Variants in BRIP1 observed in about 807,000 individuals in gnomAD.
The protein encoded by BRIP1 is BRCA1 interacting DNA helicase 1, also known as Fanconi anemia group J protein.
Under a neutral mutation model 119.7 loss-of-function variants are expected in BRIP1, and 88 were observed. The ratio of observed to expected loss-of-function variants is 0.74; its 90% CI spans 0.62 to 0.88. The LOEUF is 0.88. BRIP1 is among the 40% of genes least tolerant of loss of function. The pLI is 0.00. For synonymous variants in BRIP1, 443 were observed against 496.5 expected, an observed-to-expected ratio of 0.89 and a Z score of 1.43; for missense variants, 1,259 against 1,455.4, an observed-to-expected ratio of 0.87 and a Z score of 2.20.
In BRIP1 at chr17:61,742,604, C is replaced by T. The variant is rs2077000686; in HGVS notation, c.2379+409G>A. ...TGTTGTGTCTCAGGGAATGGAGAGT[C>T]CCAAGGAGAGAGAAATGGGGGAAGG... On this transcript the variant is annotated intron_variant, in intron 16 of 19. Transcript: ENST00000259008. This position sits in a 1 kb window ranked among gnomAD's most constrained non-coding sequence, Gnocchi z 4.7. 6.6e-6 allele frequency among the ~76,000 whole-genome samples: 1 copy of T among 152,030 alleles called. No homozygotes were observed. The highest frequency in any genetic ancestry group is 1.5e-5 in the Non-Finnish European group (1 of 68,018).
rs1389094176 is a variant in BRIP1, at chr17:61,793,360, A to T, written c.1473+237T>A. Among the ~76,000 whole-genome samples the T allele has an allele frequency of 2.0e-5, 3 of 152,320 alleles. No individual in the cohort carries two copies. The highest frequency in any genetic ancestry group is 7.2e-5 in the African/African-American group (3 of 41,586). ...ATTGACTCCTTTTAGCTTTAAACAA[A>T]GCAATTAATCCCTTTAAAGACTAAT... On this transcript the variant is annotated intron_variant, in intron 10 of 19. Transcript: ENST00000259008. The surrounding 1 kb of genome is among the most constrained non-coding windows in gnomAD (Gnocchi z 5.2).
chr17:61,836,107 T>TC, intron 6 of BRIP1, among the ~76,000 whole-genome samples: 1 of 91,052 alleles, frequency 1.1e-5, no homozygotes, highest in African/African-American at 4.2e-5. Context: ...ATGTTATTAC[T>TC]CTTTTTTTTT....
At position 61,828,387 on chromosome 17, in the gene BRIP1, T is replaced by C. The variant is rs1266220076; in HGVS notation, c.627+18714A>G. On this transcript the variant is annotated intron_variant, in intron 6 of 19. Coordinates refer to ENST00000259008, the MANE Select transcript of BRIP1 (RefSeq NM_032043.3). The surrounding 1 kb of genome is among the most constrained non-coding windows in gnomAD (Gnocchi z 4.1). ...TAGAGACGGAAAGGAGAACGGCATT[T>C]TTCCTGGGGCTGGACAATAGGGAAA... Among the ~76,000 whole-genome samples the C allele has an allele frequency of 1.3e-5, 2 of 152,160 alleles. No homozygotes were observed. The highest frequency in any genetic ancestry group is 2.9e-5 in the Non-Finnish European group (2 of 68,042).
At position 61,846,214 on chromosome 17, in the gene BRIP1, A is replaced by G. The variant is rs1016269772; in HGVS notation, c.627+887T>C. ...AAATTAAAATAAATAAATTTAAAAA[A>G]TTATATACATATAGAGAGAGAGAGA... On this transcript the variant is annotated intron_variant, in intron 6 of 19. Transcript: ENST00000259008. This position sits in a 1 kb window ranked among gnomAD's most constrained non-coding sequence, Gnocchi z 4.3. Among the ~76,000 whole-genome samples the G allele has an allele frequency of 2.0e-5, 3 of 147,658 alleles. No individual in the cohort carries two copies. Among genetic ancestry groups the G allele is most frequent in the Non-Finnish European group, 1.5e-5 (1 of 65,366 alleles).
chr17:61,837,988 T>C (rs1484669816), intron 6 of BRIP1, among the ~76,000 whole-genome samples: 1 of 152,048 alleles, frequency 6.6e-6, no homozygotes, highest in Non-Finnish European at 1.5e-5. Context: ...ACTAAGAAAA[T>C]TTGAAGAACC....
In BRIP1 at chr17:61,828,779, A is replaced by G. The variant is rs1018702618; in HGVS notation, c.627+18322T>C. ...CTGATGATTTAAACTAAAAATAACA[A>G]AACACTGTGAGGGCTATGACAAATG... On this transcript the variant is annotated intron_variant, in intron 6 of 19. Coordinates refer to ENST00000259008, the MANE Select transcript of BRIP1 (RefSeq NM_032043.3). This position sits in a 1 kb window ranked among gnomAD's most constrained non-coding sequence, Gnocchi z 4.1. Among the ~76,000 whole-genome samples the G allele has an allele frequency of 6.6e-6, 1 of 152,198 alleles. No homozygotes were observed. The highest frequency in any genetic ancestry group is 6.5e-5 in the Admixed American group (1 of 15,284).
In BRIP1 at chr17:61,732,416, A is replaced by G. The variant is rs190906066; in HGVS notation, c.2379+10597T>C. Among the ~76,000 whole-genome samples the G allele has an allele frequency of 5.3e-5, 8 of 152,252 alleles. 1 individual carries two copies. In the East Asian group the frequency reaches 1.4e-3, roughly 26 times the overall value. On this transcript the variant is annotated intron_variant, in intron 16 of 19. Coordinates refer to ENST00000259008, the MANE Select transcript of BRIP1 (RefSeq NM_032043.3). ...CAAATCTCATCTCTCTGGCTCCTCC[A>G]TCCCTTTTAGGCAAGTTAGTCAAAG...
In BRIP1 at chr17:61,740,113, T is replaced by TA. The variant is rs1289425644; in HGVS notation, c.2379+2899dup. On this transcript the variant is annotated intron_variant, in intron 16 of 19. Coordinates refer to ENST00000259008, the MANE Select transcript of BRIP1 (RefSeq NM_032043.3). The surrounding 1 kb of genome is among the most constrained non-coding windows in gnomAD (Gnocchi z 5.4). ...ATTATCCCAGTTCTCTGCTTGGGTA[T>TA]AATTTCCTGACCACAGCACAGAGCA... Among the ~76,000 whole-genome samples the TA allele has an allele frequency of 6.6e-6, 1 of 152,070 alleles. No individual in the cohort carries two copies.
Position 61,831,864 on chromosome 17 carries a change from T to C in BRIP1, c.627+15237A>G, listed in dbSNP as rs1288064896. ...AAGAAAATTAGAATGGGCCCTCTGG[T>C]ACTGGAATGGAACTGGATGTATTGG... On this transcript the variant is annotated intron_variant, in intron 6 of 19. Coordinates refer to ENST00000259008, the MANE Select transcript of BRIP1 (RefSeq NM_032043.3). The surrounding 1 kb of genome is among the most constrained non-coding windows in gnomAD (Gnocchi z 4.1). Among the ~76,000 whole-genome samples the C allele has an allele frequency of 1.3e-5, 2 of 152,206 alleles. No homozygotes were observed. Among genetic ancestry groups the C allele is most frequent in the African/African-American group, 2.4e-5 (1 of 41,452 alleles).
chr17:61,696,838 A>G (rs1436459606), intron 17 of BRIP1, among the ~76,000 whole-genome samples: 1 of 151,348 alleles, frequency 6.6e-6, no homozygotes, highest in African/African-American at 2.4e-5. Context: ...ACAAAAAATT[A>G]GCCGGGTGTG....
intron 6 of BRIP1, among the ~76,000 whole-genome samples, chr17:61,840,340 G>C (rs1193913400): frequency 7.3e-6 from 1 of 137,822 alleles, no homozygotes; most frequent in Non-Finnish European, 1.5e-5. Flanking sequence ...CTGGGTGACA[G>C]GGGAGACTCC....
In BRIP1 at chr17:61,740,391, A is replaced by G. The variant is rs572955277; in HGVS notation, c.2379+2622T>C. On this transcript the variant is annotated intron_variant, in intron 16 of 19. Transcript: ENST00000259008. The surrounding 1 kb of genome is among the most constrained non-coding windows in gnomAD (Gnocchi z 5.4). Reference sequence around the variant, plus strand: ...GATGAGCCTGAAAGTCTTTATTTCTATTAAGTTCCCAGGTGATACGAATGC... The same window carrying G: ...GATGAGCCTGAAAGTCTTTATTTCTGTTAAGTTCCCAGGTGATACGAATGC... Among the ~76,000 whole-genome samples, 13 of 152,264 alleles carry G rather than the reference A, an allele frequency of 8.5e-5. No individual in the cohort carries two copies. The highest frequency in any genetic ancestry group is 2.9e-4 in the African/African-American group (12 of 41,546).
At chr17:61,696,344 T>G (rs1177939542) in intron 17 of BRIP1, among the ~76,000 whole-genome samples, 1 of 152,184 alleles carries the variant, frequency 6.6e-6, no homozygotes, top group Non-Finnish European at 1.5e-5. Context: ...TGTATAATCC[T>G]TTTAGTATGT....
chr17:61,716,037 G>T lies in BRIP1; in HGVS notation c.2406C>A (p.Asp802Glu), dbSNP rs748981650. 1.2e-6 allele frequency: 2 copies of T among 1,605,108 alleles called. No individual in the cohort carries two copies. Among genetic ancestry groups the T allele is most frequent in the Non-Finnish European group, 8.5e-7 (1 of 1,175,008 alleles). ...LQVELKRQYN[D>E]HHSKLRGLLP... ...GAAGACCTCTCAATTTTGAATGGTG[G>T]TCATTGTATTGTCGTTTTAGTTCAA... Residue 802 changes from aspartate to glutamate, a missense_variant, in exon 17 of 20, where the codon GAC (aspartate) becomes GAA (glutamate). Physicochemically the swap from Asp to Glu is conservative, Grantham distance 45. Around this residue, in one of 3 missense-constraint regions of BRIP1, gnomAD observed 753 missense variants for 891.8 expected, o/e 0.84. Transcript: ENST00000259008.
chr17:61,737,050 C>A (rs996218165), intron 16 of BRIP1, among the ~76,000 whole-genome samples: 9 of 151,896 alleles, frequency 5.9e-5, no homozygotes, highest in African/African-American at 2.2e-4. Context: ...TAGTTATAAT[C>A]CCCAAGGTAA....
At position 61,862,603 on chromosome 17, in the gene BRIP1, C is replaced by A. The variant is rs1036591641; in HGVS notation, c.-31+681G>T. Among the ~76,000 whole-genome samples the A allele has an allele frequency of 2.0e-5, 3 of 152,122 alleles. No individual in the cohort carries two copies. The highest frequency in any genetic ancestry group is 7.2e-5 in the African/African-American group (3 of 41,414). On this transcript the variant is annotated intron_variant, in intron 1 of 19. Transcript: ENST00000259008. The surrounding 1 kb of genome is among the most constrained non-coding windows in gnomAD (Gnocchi z 5.3). The stretch of plus-strand genomic sequence containing the variant: ...AAGCATAAGTTTCTGTACATGATTG[C>A]ATTTTTCTGAAGAAAAAGTCCATAG...
rs1354751950 is a variant in BRIP1, at chr17:61,735,513, GC to G, written c.2379+7499del. On this transcript the variant is annotated intron_variant, in intron 16 of 19. Coordinates refer to ENST00000259008, the MANE Select transcript of BRIP1 (RefSeq NM_032043.3). The surrounding 1 kb of genome is among the most constrained non-coding windows in gnomAD (Gnocchi z 4.4). Reference sequence around the variant, plus strand: ...AGCCAAGAGTACACCTTAGGGCTAGGCACGGTGGCTCACACTTGTAATCCCA... The same window carrying G: ...AGCCAAGAGTACACCTTAGGGCTAGGACGGTGGCTCACACTTGTAATCCCA... 6.6e-6 allele frequency among the ~76,000 whole-genome samples: 1 copy of G among 151,982 alleles called. No homozygotes were observed. The highest frequency in any genetic ancestry group is 1.5e-5 in the Non-Finnish European group (1 of 68,020).
At position 61,842,452 on chromosome 17, in the gene BRIP1, C is replaced by T. The variant is rs894875492; in HGVS notation, c.627+4649G>A. On this transcript the variant is annotated intron_variant, in intron 6 of 19. Coordinates refer to ENST00000259008, the MANE Select transcript of BRIP1 (RefSeq NM_032043.3). The surrounding 1 kb of genome is among the most constrained non-coding windows in gnomAD (Gnocchi z 5.1). ...GCTGTAAGAGAGAATTCTGAATATTCGCAACACAAAGAAATGACAAATGTT... is the reference window on the plus strand; with the variant it reads ...GCTGTAAGAGAGAATTCTGAATATTTGCAACACAAAGAAATGACAAATGTT... Among the ~76,000 whole-genome samples the T allele has an allele frequency of 2.0e-4, 30 of 151,976 alleles. No homozygotes were observed. Among genetic ancestry groups the T allele is most frequent in the South Asian group, 8.3e-4 (4 of 4,822 alleles).
Position 61,822,887 on chromosome 17 carries a change from A to C in BRIP1, c.628-14130T>G, listed in dbSNP as rs2078347704. Among the ~76,000 whole-genome samples, 1 of 152,144 alleles carries C rather than the reference A, an allele frequency of 6.6e-6. No individual in the cohort carries two copies. Among genetic ancestry groups the C allele is most frequent in the Non-Finnish European group, 1.5e-5 (1 of 68,024 alleles). On this transcript the variant is annotated intron_variant, in intron 6 of 19. Coordinates refer to ENST00000259008, the MANE Select transcript of BRIP1 (RefSeq NM_032043.3). This position sits in a 1 kb window ranked among gnomAD's most constrained non-coding sequence, Gnocchi z 4.4. ...TAGTGGTGCTGTTGAATTAATGGCT[A>C]AATTAGGTCGTAAGTTTCAAGAAGG...
Sources: gnomAD v4.1 joint callset for allele counts (sites outside exome capture counted in the v4.1 genomes callset) on GRCh38, gnomAD v4.1.1 for gene constraint, gnomAD v4.1.1 regional missense constraint, Gnocchi (gnomAD v3.1) non-coding constraint, MANE v1.5 for transcripts, NCBI Gene and HGNC (gene_info 2026-07-23, HGNC 2026-07-21) for gene names.